The following GLS variants were observed in gnomAD, a reference collection of about 807,000 sequenced individuals.
GLS encodes glutaminase.
A neutral mutation model predicts 86.7 loss-of-function variants in GLS; 36 were observed. The ratio of observed to expected loss-of-function variants is 0.42; its 90% CI spans 0.32 to 0.55. The LOEUF (loss-of-function observed/expected upper bound fraction) is 0.55, where lower values mean the gene tolerates loss of function less well. Among genes scored for constraint, GLS ranks in the 20% least tolerant of loss-of-function variants. The pLI is 0.17. For missense variants in GLS, 528 were observed against 833.4 expected (o/e 0.63, Z 4.51); for synonymous variants, 317 against 305.9 (o/e 1.04, Z -0.38).
Position 190,954,564 on chromosome 2 carries a change from C to G in GLS, c.1713-20C>G. On this transcript the variant is annotated intron_variant, in intron 15 of 17. Coordinates refer to ENST00000320717, the MANE Select transcript of GLS (RefSeq NM_014905.5). This position sits in a 1 kb window ranked among gnomAD's most constrained non-coding sequence, Gnocchi z 4.0. ...AATTTGCTTTATATATAATAAATAG[C>G]TGTGCTTACACATTTTCAGATTTGC... 6.4e-7 allele frequency: 1 copy of G among 1,556,250 alleles called. No homozygotes were observed. The highest frequency in any genetic ancestry group is 8.8e-7 in the Non-Finnish European group (1 of 1,131,278).
intron 17 of GLS, among the ~76,000 whole-genome samples, chr2:190,960,765 A>G (rs1280430818): frequency 6.6e-6 from 1 of 152,188 alleles, no homozygotes; most frequent in South Asian, 2.1e-4. Context: ...GTGTCTGACA[A>G]ATGTTAGCAA....
intron 13 of GLS, among the ~76,000 whole-genome samples, chr2:190,931,012 CTG>C (rs1189549376): frequency 6.6e-6 from 1 of 152,144 alleles, no homozygotes; most frequent in Non-Finnish European, 1.5e-5. Flanking sequence ...CATTTTTAAA[CTG>C]TTACTGCTCT....
intron 7 of GLS, among the ~76,000 whole-genome samples, chr2:190,915,619 T>C (rs528540348): frequency 3.8e-4 from 58 of 152,306 alleles, no homozygotes; most frequent in African/African-American, 1.4e-3. Context: ...TTTCAAAATC[T>C]GTTTCTAGAT....
At chr2:190,901,344 T>G (rs565010821) in intron 4 of GLS, among the ~76,000 whole-genome samples, 14 of 151,864 alleles carry the variant, frequency 9.2e-5, no homozygotes, top group Admixed American at 3.9e-4. Flanking sequence ...GAAAATATAT[T>G]TACTGTTTAT....
intron 14 of GLS, among the ~76,000 whole-genome samples, chr2:190,942,807 T>C (rs1158040504): frequency 1.3e-5 from 2 of 151,968 alleles, no homozygotes; most frequent in Non-Finnish European, 2.9e-5. Flanking sequence ...ATTTTTCTAA[T>C]ATAACAGAAA....
chr2:190,929,279 C>A (rs1690020168), intron 12 of GLS, among the ~76,000 whole-genome samples: 1 of 150,546 alleles, frequency 6.6e-6, no homozygotes, highest in African/African-American at 2.4e-5. Context: ...TTATTGTTTT[C>A]TAGTTGTAAA....
intron 7 of GLS, among the ~76,000 whole-genome samples, chr2:190,911,295 C>G (rs1689350081): frequency 6.6e-6 from 1 of 151,988 alleles, no homozygotes; most frequent in Admixed American, 6.6e-5. Context: ...AACTTGTATA[C>G]TAGAAAGCCT....
At chr2:190,891,592 C>T (rs1011928163) in intron 1 of GLS, among the ~76,000 whole-genome samples, 1 of 151,988 alleles carries the variant, frequency 6.6e-6, no homozygotes, top group East Asian at 1.9e-4. Context: ...GAACTGCATA[C>T]CAGACTGAGG....
At chr2:190,907,546 A>C (rs991097255) in intron 6 of GLS, among the ~76,000 whole-genome samples, 1 of 152,184 alleles carries the variant, frequency 6.6e-6, no homozygotes, top group Non-Finnish European at 1.5e-5. Context: ...GTGAGCCACC[A>C]CACCTGGCAA....
intron 14 of GLS, among the ~76,000 whole-genome samples, chr2:190,940,334 A>C (rs1477429363): frequency 1.3e-5 from 2 of 152,048 alleles, no homozygotes; most frequent in Non-Finnish European, 2.9e-5. Flanking sequence ...CATCTGATGA[A>C]ATTACAGTAC....
chr2:190,924,602 A>C lies in GLS; in HGVS notation c.1248+9A>C. ...TAGACTTCTACTTCCAGGTAATCTA[A>C]TTATGTAAATCGTATATATAAATGG... On this transcript the variant is annotated intron_variant, in intron 11 of 17. Coordinates refer to ENST00000320717, the MANE Select transcript of GLS (RefSeq NM_014905.5). This position sits in a 1 kb window ranked among gnomAD's most constrained non-coding sequence, Gnocchi z 5.2. 1 of 1,413,778 alleles carries C rather than the reference A, an allele frequency of 7.1e-7. No individual in the cohort carries two copies. The highest frequency in any genetic ancestry group is 1.4e-5 in the African/African-American group (1 of 71,178). 87.6% of individuals were successfully genotyped at this position (1,413,778 alleles called of 1,614,324 possible).
chr2:190,959,416 T>C (rs943125320), intron 17 of GLS, among the ~76,000 whole-genome samples: 3 of 152,198 alleles, frequency 2.0e-5, no homozygotes, highest in Non-Finnish European at 2.9e-5. Flanking sequence ...TTTAGCCCAT[T>C]TACATTTAAG....
At chr2:190,925,274 G>T (rs1222897277) in intron 11 of GLS, among the ~76,000 whole-genome samples, 1 of 152,088 alleles carries the variant, frequency 6.6e-6, no homozygotes, top group Non-Finnish European at 1.5e-5. Flanking sequence ...AAGTGTCAGT[G>T]TCTCAGCTGA....
chr2:190,933,480 C>T (rs761398445), intron 14 of GLS: 20 of 870,392 alleles, frequency 2.3e-5, no homozygotes, highest in Non-Finnish European at 2.5e-5. Context: ...AAATATGACT[C>T]CTACTTTTTT....
rs745774752 is a variant in GLS, at chr2:190,963,063, A to G, written c.*77A>G. On this transcript the variant is annotated 3_prime_UTR_variant, in exon 18 of 18. Transcript: ENST00000320717. ...GATTATGAAGAACATGTGTATTTCTATCTGGTAGTGATGTATATTTTACAT... is the reference window on the plus strand; with the variant it reads ...GATTATGAAGAACATGTGTATTTCTGTCTGGTAGTGATGTATATTTTACAT... 1.1e-5 allele frequency: 11 copies of G among 1,024,090 alleles called. No homozygotes were observed. Among genetic ancestry groups the G allele is most frequent in the Admixed American group, 2.6e-5 (1 of 38,788 alleles). 63.4% of individuals were successfully genotyped at this position (1,024,090 alleles called of 1,614,324 possible).
chr2:190,957,982 G>T (rs1322553240), intron 17 of GLS, among the ~76,000 whole-genome samples: 1 of 152,202 alleles, frequency 6.6e-6, no homozygotes, highest in Non-Finnish European at 1.5e-5. Context: ...AGAAGGAATG[G>T]TACCAGCTCC....
chr2:190,885,197 A>ATT (rs11377483), intron 1 of GLS, among the ~76,000 whole-genome samples: 57 of 147,820 alleles, frequency 3.9e-4, no homozygotes, highest in Admixed American at 1.7e-3. Context: ...TGAAAATTGA[A>ATT]TTTTTTTTTT....
rs1173541355 is a variant in GLS, at chr2:190,913,048, T to C, written c.1038+2727T>C. On this transcript the variant is annotated intron_variant, in intron 7 of 17. Transcript: ENST00000320717. This position sits in a 1 kb window ranked among gnomAD's most constrained non-coding sequence, Gnocchi z 6.1. ...GACCTTAAGGCTATTTGTGATTTTT[T>C]TTTTTCTTTCAAAATTCAGGAATTT... is the stretch of plus-strand genomic sequence containing the variant. 1.6e-6 allele frequency: 1 copy of C among 643,992 alleles called. No homozygotes were observed. The highest frequency in any genetic ancestry group is 2.5e-6 in the Non-Finnish European group (1 of 405,158). The allele number at this position is 643,992 out of a possible 1,614,324, so 39.9% of individuals were successfully genotyped here.
chr2:190,909,365 A>T (rs1423906622), intron 6 of GLS, among the ~76,000 whole-genome samples: 3 of 152,190 alleles, frequency 2.0e-5, no homozygotes, highest in Admixed American at 6.5e-5. Context: ...AGTACATATA[A>T]TACTTGTTAT....
Sources: allele counts gnomAD v4.1 joint callset (sites outside exome capture counted in the v4.1 genomes callset), GRCh38; gene constraint gnomAD v4.1.1; non-coding constraint Gnocchi (gnomAD v3.1); transcripts MANE v1.5; gene names NCBI Gene and HGNC (gene_info 2026-07-23, HGNC 2026-07-21).